The following L3MBTL2 variants were observed in gnomAD, a reference collection of about 807,000 sequenced individuals.
The protein encoded by L3MBTL2 is lethal(3)malignant brain tumor-like protein 2.
Under a neutral mutation model 86.4 loss-of-function variants are expected in L3MBTL2, and 49 were observed. That is an observed-to-expected ratio of 0.57 (90% confidence interval 0.45 to 0.72). The LOEUF (loss-of-function observed/expected upper bound fraction) is 0.72. Among genes scored for constraint, L3MBTL2 ranks in the 30% least tolerant of loss-of-function variants. L3MBTL2 has a pLI of 0.00. For synonymous variants in L3MBTL2, 336 were observed against 350.6 expected, an observed-to-expected ratio of 0.96 and a Z score of 0.47; for missense variants, 755 against 923.7, an observed-to-expected ratio of 0.82 and a Z score of 2.37.
intron 13 of L3MBTL2, 94 bp downstream of exon 13, chr22:41,226,838 C>G: frequency 1.0e-6 from 1 of 962,818 alleles, no homozygotes; most frequent in Non-Finnish European, 1.6e-6. Context: ...CTCTTTCTCT[C>G]GAATCTCTAC....
intron 2 of L3MBTL2, 111 bp from the exon 3 acceptor site, chr22:41,213,782 G>C: frequency 8.5e-7 from 1 of 1,174,630 alleles, no homozygotes; most frequent in Non-Finnish European, 1.2e-6. Flanking sequence ...GCCTTTGTGG[G>C]GGCAGGGGCT....
intron 8 of L3MBTL2, among the ~76,000 whole-genome samples, chr22:41,223,698 G>C (rs1360807408): frequency 6.6e-6 from 1 of 152,220 alleles, no homozygotes; most frequent in African/African-American, 2.4e-5. Context: ...TGACCTCTGG[G>C]TCACTTTTCC....
intron 2 of L3MBTL2, 188 bp from the exon 3 acceptor site, chr22:41,213,705 A>T (rs1337846110): frequency 1.7e-6 from 1 of 590,002 alleles, no homozygotes; most frequent in East Asian, 2.8e-5. Context: ...GCCAAGCAGC[A>T]GCACTTCATT....
Position 41,225,149 on chromosome 22 carries a change from C to A in L3MBTL2, c.1356+78C>A. 1 of 1,141,272 alleles carries A rather than the reference C, an allele frequency of 8.8e-7. No homozygotes were observed. Among genetic ancestry groups the A allele is most frequent in the Non-Finnish European group, 1.3e-6 (1 of 788,904 alleles). 70.7% of individuals were successfully genotyped at this position (1,141,272 alleles called of 1,614,324 possible). ...TGTGGCCCAGAGCTCTAACCCCACT[C>A]GCCACCGTCAGGGGGTCTGTGTCCC... On this transcript the variant is annotated intron_variant, in intron 11 of 16. Coordinates refer to ENST00000216237, the MANE Select transcript of L3MBTL2 (RefSeq NM_031488.5). The surrounding 1 kb of genome is among the most constrained non-coding windows in gnomAD (Gnocchi z 4.1).
At chr22:41,229,201 G>A (rs2032408451) in intron 15 of L3MBTL2, among the ~76,000 whole-genome samples, 1 of 152,186 alleles carries the variant, frequency 6.6e-6, no homozygotes, top group African/African-American at 2.4e-5. Flanking sequence ...AGGCTGCAGT[G>A]AACTGTGATC....
At position 41,221,213 on chromosome 22, in the gene L3MBTL2, T is replaced by C; in HGVS notation, c.868T>C (p.Phe290Leu). ...LVPPRTIHAK[F>L]TDWKGYLMKR... ...TGCCTCCACAGCCATCCATGCCAAG[T>C]TCACCGACTGGAAGGGCTACCTCAT... The change falls in exon 8 of 17, where the codon TTC becomes CTC. Residue 290 changes from phenylalanine (F) to leucine (L), a missense_variant. Phe to Leu is a conservative substitution (Grantham distance 22, BLOSUM62 0). This residue lies in a region of L3MBTL2 where 634 missense variants were observed against 748.9 expected (regional missense o/e 0.85). Transcript: ENST00000216237. The C allele has an allele frequency of 3.9e-6, 6 of 1,550,478 alleles. No homozygotes were observed. Among genetic ancestry groups the C allele is most frequent in the Non-Finnish European group, 5.2e-6 (6 of 1,145,954 alleles).
At chr22:41,229,249 C>A (rs1043173845) in intron 15 of L3MBTL2, among the ~76,000 whole-genome samples, 1 of 152,038 alleles carries the variant, frequency 6.6e-6, no homozygotes, top group South Asian at 2.1e-4. Flanking sequence ...AGAGTGAGAC[C>A]CTCTTCAAAA....
In L3MBTL2 at chr22:41,225,851, T is replaced by C. The variant is rs2032148222; in HGVS notation, c.1414T>C (p.Leu472=). 1.2e-6 allele frequency: 2 copies of C among 1,614,022 alleles called. No homozygotes were observed. Among genetic ancestry groups the C allele is most frequent in the African/African-American group, 2.7e-5 (2 of 74,910 alleles). ...CVDGGPSTDG[L]DWFCYHASSH... ...GGACGGGGGGCCCTCCACAGATGGC[T>C]TGGACTGGTTCTGCTACCATGCCTC... The change falls in exon 12 of 17, where the codon TTG becomes CTG. Residue 472 remains leucine, a synonymous_variant. Coordinates refer to ENST00000216237, the MANE Select transcript of L3MBTL2 (RefSeq NM_031488.5). The surrounding 1 kb of genome is among the most constrained non-coding windows in gnomAD (Gnocchi z 4.1).
rs146542930 is a variant in L3MBTL2 at position 41,225,432 on chromosome 22, G to A, written c.1356+361G>A. Among the ~76,000 whole-genome samples the A allele has an allele frequency of 8.7e-3, 1,317 of 152,238 alleles. 12 individuals carry two copies. Among genetic ancestry groups the A allele is most frequent in the African/African-American group, 0.025 (1,026 of 41,544 alleles). On this transcript the variant is annotated intron_variant, in intron 11 of 16. Coordinates refer to ENST00000216237, the MANE Select transcript of L3MBTL2 (RefSeq NM_031488.5). This position sits in a 1 kb window ranked among gnomAD's most constrained non-coding sequence, Gnocchi z 4.1. ...GGGTCACCTTGCTCCAAACCTCATC[G>A]CCTCCTCCTGAGCAGCACCCCCACC...
chr22:41,216,954 T>C, intron 4 of L3MBTL2, 169 bp from the exon 5 acceptor site: 1 of 586,572 alleles, frequency 1.7e-6, no homozygotes, highest in South Asian at 2.0e-5. Context: ...TCATGGCCAC[T>C]GGTGGATCAG....
chr22:41,223,587 G>C (rs1324221002), intron 8 of L3MBTL2, among the ~76,000 whole-genome samples: 1 of 152,222 alleles, frequency 6.6e-6, no homozygotes, highest in African/African-American at 2.4e-5. Flanking sequence ...AGGGCAGGAT[G>C]CCTGGGGATC....
At chr22:41,211,432 C>G (rs2030779983) in intron 2 of L3MBTL2, among the ~76,000 whole-genome samples, 1 of 151,842 alleles carries the variant, frequency 6.6e-6, no homozygotes, top group Non-Finnish European at 1.5e-5. Context: ...TCTTGAACTC[C>G]CAAGCTCAAG....
intron 1 of L3MBTL2, among the ~76,000 whole-genome samples, chr22:41,207,803 A>G (rs1429595348): frequency 1.3e-5 from 2 of 150,212 alleles, no homozygotes; most frequent in Non-Finnish European, 3.0e-5. Flanking sequence ...CCTTCTGAGT[A>G]GCTAGAGCCA....
chr22:41,223,996 G>T (rs544567858), intron 8 of L3MBTL2, 24 bp from the exon 9 acceptor site: 1 of 1,589,968 alleles, frequency 6.3e-7, no homozygotes, highest in East Asian at 2.2e-5. Flanking sequence ...GCCATAGCAG[G>T]CCTGTGTTCT....
chr22:41,205,488 G>C (rs1027967958), intron 1 of L3MBTL2, 102 bp downstream of exon 1: 1 of 1,352,056 alleles, frequency 7.4e-7, no homozygotes, highest in East Asian at 2.3e-5. Flanking sequence ...AGGGTGGAGG[G>C]TGGGAGGATG....
At position 41,216,381 on chromosome 22, in the gene L3MBTL2, G is replaced by A; in HGVS notation, c.520+119G>A. On this transcript the variant is annotated intron_variant, in intron 4 of 16. Transcript: ENST00000216237. ...ACCGGCCAGGTAGAAAGTGCCCTAA[G>A]TCAGGGTCACTGCGGATTGCATCTT... 4.0e-6 allele frequency: 5 copies of A among 1,260,460 alleles called. No individual in the cohort carries two copies. The South Asian group carries it at 4.5e-5, about 11-fold the overall frequency. The allele number at this position is 1,260,460 out of a possible 1,614,324, so 78.1% of individuals were successfully genotyped here. A position where few individuals can be genotyped will look rare whatever the true frequency, so the allele number is the denominator to read the frequency against.
At position 41,227,066 on chromosome 22, in the gene L3MBTL2, A is replaced by C. The variant is rs1266746238; in HGVS notation, c.1588-23A>C. On this transcript the variant is annotated intron_variant, in intron 13 of 16. Coordinates refer to ENST00000216237, the MANE Select transcript of L3MBTL2 (RefSeq NM_031488.5). The surrounding 1 kb of genome is among the most constrained non-coding windows in gnomAD (Gnocchi z 6.0). ...GGGTAGGGAGCTGACTGGCTTGGCC[A>C]CTGCCTCCTTTTTCTGCCCCAGGAT... is the stretch of plus-strand genomic sequence containing the variant. The C allele has an allele frequency of 1.9e-6, 3 of 1,585,328 alleles. No individual in the cohort carries two copies. Among genetic ancestry groups the C allele is most frequent in the African/African-American group, 2.7e-5 (2 of 74,406 alleles).
Position 41,224,676 on chromosome 22 carries a change from C to T in L3MBTL2, c.1175-49C>T, listed in dbSNP as rs776186687. On this transcript the variant is annotated intron_variant, in intron 9 of 16. Coordinates refer to ENST00000216237, the MANE Select transcript of L3MBTL2 (RefSeq NM_031488.5). The surrounding 1 kb of genome is among the most constrained non-coding windows in gnomAD (Gnocchi z 4.9). The stretch of plus-strand genomic sequence containing the variant: ...AGGCGTGTGGAGATGGCCCAGGAGC[C>T]GCCTCCAACTCCCTTCTCTCCCTCA... 1.9e-5 allele frequency: 27 copies of T among 1,442,742 alleles called. No homozygotes were observed. Among genetic ancestry groups the T allele is most frequent in the South Asian group, 3.4e-5 (3 of 87,182 alleles). The allele number at this position is 1,442,742 out of a possible 1,614,324, so 89.4% of individuals were successfully genotyped here.
At chr22:41,221,762 C>T (rs886209761) in intron 8 of L3MBTL2, among the ~76,000 whole-genome samples, 5 of 151,984 alleles carry the variant, frequency 3.3e-5, no homozygotes, top group Non-Finnish European at 5.9e-5. Context: ...GCCCACCACG[C>T]CCAGCTCATT....
Sources: allele counts gnomAD v4.1 joint callset (sites outside exome capture counted in the v4.1 genomes callset), GRCh38; gene constraint gnomAD v4.1.1; regional missense constraint gnomAD v4.1.1; non-coding constraint Gnocchi (gnomAD v3.1); transcripts MANE v1.5; gene names NCBI Gene and HGNC (gene_info 2026-07-23, HGNC 2026-07-21).